The following MAOB variants were observed in gnomAD, a reference collection of about 807,000 sequenced individuals.
The protein encoded by MAOB is amine oxidase [flavin-containing] B.
In MAOB, 15 loss-of-function variants were observed where a neutral mutation model predicts 41.9. That is an observed-to-expected ratio of 0.36 (90% CI 0.24 to 0.55). The LOEUF is 0.55. Among genes scored for constraint, MAOB ranks in the 20% least tolerant of loss-of-function variants. The pLI, the probability that MAOB is intolerant of heterozygous loss-of-function variation, is 0.86. For synonymous variants in MAOB, 167 were observed against 144.2 expected, an observed-to-expected ratio of 1.16 and a Z score of -1.13; for missense variants, 345 against 398.7, an observed-to-expected ratio of 0.87 and a Z score of 1.15.
chrX:43,769,337 A>T lies in MAOB; in HGVS notation c.1317T>A (p.Ala439=). Residue 439 remains alanine, a synonymous_variant, in exon 13 of 15, where the codon GCT becomes GCA. Transcript: ENST00000378069. ...ATHWSGYMEG[A]VEAGERAARE... ...GGGCTGCTCTCTCCCCGGCCTCTAC[A>T]GCCCCCTCCATGTAGCCGCTCCAGT... 1 of 1,207,365 alleles carries T rather than the reference A, an allele frequency of 8.3e-7. No homozygotes were observed. The highest frequency in any genetic ancestry group is 1.1e-6 in the Non-Finnish European group (1 of 894,116).
At chrX:43,834,704 A>G (rs2035053823) in intron 3 of MAOB, among the ~76,000 whole-genome samples, 1 of 112,257 alleles carries the variant, frequency 8.9e-6, no homozygotes, top group Non-Finnish European at 1.9e-5. Context: ...CAGCTATGGC[A>G]GCAACAAGCA....
At chrX:43,862,129 C>T (rs183595896) in intron 1 of MAOB, among the ~76,000 whole-genome samples, 1 of 111,793 alleles carries the variant, frequency 8.9e-6, no homozygotes, top group African/African-American at 3.2e-5. Context: ...CCCCTTACAC[C>T]CACAGTTGCA....
intron 9 of MAOB, among the ~76,000 whole-genome samples, chrX:43,780,905 T>C (rs1434932272): frequency 2.7e-5 from 3 of 111,819 alleles, no homozygotes; most frequent in Non-Finnish European, 5.6e-5. Flanking sequence ...TGAGATAAAC[T>C]CATACATGTC....
intron 3 of MAOB, among the ~76,000 whole-genome samples, chrX:43,835,359 T>C (rs756751981): frequency 1.8e-5 from 2 of 112,268 alleles, no homozygotes; most frequent in Non-Finnish European, 3.8e-5. Flanking sequence ...AAAATCTCAG[T>C]AGATGTTTAA....
At chrX:43,872,876 T>C (rs1452882462) in intron 1 of MAOB, among the ~76,000 whole-genome samples, 1 of 112,167 alleles carries the variant, frequency 8.9e-6, no homozygotes. Flanking sequence ...TCATTTTCTT[T>C]TTGCCATTTT....
At chrX:43,813,280 C>T (rs56314580) in intron 3 of MAOB, among the ~76,000 whole-genome samples, 3,754 of 111,744 alleles carry the variant, frequency 0.034, 60 homozygotes, top group Middle Eastern at 0.093. Context: ...TCACAAAGAT[C>T]CAGTGAGTAA....
intron 3 of MAOB, among the ~76,000 whole-genome samples, chrX:43,833,057 A>T (rs1004936139): frequency 4.5e-5 from 5 of 111,053 alleles, no homozygotes; most frequent in Admixed American, 9.6e-5. Context: ...GTAGTCCCCA[A>T]CCAGCAGAGA....
intron 1 of MAOB, among the ~76,000 whole-genome samples, chrX:43,876,482 A>T (rs1031676049): frequency 9.0e-6 from 1 of 111,137 alleles, no homozygotes; most frequent in African/African-American, 3.3e-5. Context: ...AAAAATGAAA[A>T]TCATCTGTAA....
intron 8 of MAOB, among the ~76,000 whole-genome samples, chrX:43,785,948 T>C (rs1425435747): frequency 8.9e-6 from 1 of 112,134 alleles, no homozygotes; most frequent in Non-Finnish European, 1.9e-5. Flanking sequence ...GTTTGAAATA[T>C]TGTTAGAATT....
intron 1 of MAOB, among the ~76,000 whole-genome samples, chrX:43,855,399 CGTGT>C (rs748544135): frequency 7.5e-5 from 8 of 106,304 alleles, no homozygotes; most frequent in South Asian, 8.5e-4. Flanking sequence ...CTAGCATATA[CGTGT>C]GTGTGTGTGT....
chrX:43,776,531 C>T (rs963679877), intron 11 of MAOB, among the ~76,000 whole-genome samples: 11 of 111,259 alleles, frequency 9.9e-5, no homozygotes, highest in Non-Finnish European at 2.1e-4. Flanking sequence ...TGAATATCTA[C>T]CAGGGTGAAA....
intron 1 of MAOB, among the ~76,000 whole-genome samples, chrX:43,874,108 A>G (rs907307982): frequency 1.8e-5 from 2 of 112,497 alleles, no homozygotes; most frequent in Non-Finnish European, 3.7e-5. Flanking sequence ...TTTTTAAAGA[A>G]GAAAAAATGT....
intron 3 of MAOB, among the ~76,000 whole-genome samples, chrX:43,811,772 G>T (rs1253953531): frequency 9.0e-6 from 1 of 111,551 alleles, no homozygotes; most frequent in African/African-American, 3.3e-5. Context: ...GGCATGCAAT[G>T]TGTAATAATC....
chrX:43,795,032 C>T (rs986851150), intron 7 of MAOB, among the ~76,000 whole-genome samples: 8 of 110,916 alleles, frequency 7.2e-5, no homozygotes, highest in African/African-American at 9.8e-5. Flanking sequence ...CTATAGCAGA[C>T]ATCAGCCATG....
chrX:43,853,267 C>CAAAAAAAAAAAAAAAAAAA (rs397957481), intron 1 of MAOB, among the ~76,000 whole-genome samples: 1 of 26,446 alleles, frequency 3.8e-5, no homozygotes, highest in African/African-American at 1.5e-4. Flanking sequence ...GAGTCCGTCT[C>CAAAAAAAAAAAAAAAAAAA]AAAAAAAAAA....
intron 3 of MAOB, among the ~76,000 whole-genome samples, chrX:43,815,572 A>C (rs1181218583): frequency 1.8e-5 from 2 of 112,073 alleles, no homozygotes; most frequent in Non-Finnish European, 3.8e-5. Flanking sequence ...GGCTCCTCTG[A>C]AAATTTGTTG....
chrX:43,808,876 T>G (rs1225106541), intron 3 of MAOB, among the ~76,000 whole-genome samples: 1 of 110,365 alleles, frequency 9.1e-6, no homozygotes, highest in Non-Finnish European at 1.9e-5. Context: ...GGCTAATTTT[T>G]GTATTTTTAG....
intron 1 of MAOB, among the ~76,000 whole-genome samples, chrX:43,873,357 G>A (rs907758325): frequency 3.4e-4 from 38 of 110,318 alleles, no homozygotes; most frequent in African/African-American, 1.1e-3. Flanking sequence ...CAAAAGGGAC[G>A]ATTATTTAGG....
chrX:43,810,147 G>A (rs1351744061), intron 3 of MAOB, among the ~76,000 whole-genome samples: 10 of 99,229 alleles, frequency 1.0e-4, no homozygotes, highest in African/African-American at 4.1e-4. Context: ...GGAGGCTGAG[G>A]CAGGAGAATG....
Sources: gnomAD v4.1 joint callset for allele counts (sites outside exome capture counted in the v4.1 genomes callset) on GRCh38, gnomAD v4.1.1 for gene constraint, MANE v1.5 for transcripts, NCBI Gene and HGNC (gene_info 2026-07-23, HGNC 2026-07-21) for gene names.